PSD3: variants seen among roughly 807,000 people sequenced by gnomAD.
PSD3 encodes pleckstrin and Sec7 domain containing 3.
Under a neutral mutation model 105.5 loss-of-function variants are expected in PSD3, and 49 were observed. That is an observed-to-expected ratio of 0.46 (90% CI 0.37 to 0.59). The LOEUF is 0.59. PSD3 is among the 20% of genes least tolerant of loss of function. PSD3 has a pLI of 0.00. For synonymous variants in PSD3, 557 were observed against 457.8 expected (o/e 1.22, Z -2.77); for missense variants, 1,561 against 1,263.8 (o/e 1.24, Z -3.57).
intron 10 of PSD3, among the ~76,000 whole-genome samples, chr8:18,637,890 G>A (rs1440316266): frequency 2.0e-5 from 3 of 152,078 alleles, no homozygotes; most frequent in African/African-American, 4.8e-5. Context: ...CAGCATGGTG[G>A]CTCATGCCTG....
rs556062333 is a variant in PSD3, at chr8:18,801,673, T to A, written c.1911-291A>T. ...GGCGAAACCCCATCTCTACTAAAAATACAAAAATTAGCCGGGCATGGTGGT... is the reference window on the plus strand; with the variant it reads ...GGCGAAACCCCATCTCTACTAAAAAAACAAAAATTAGCCGGGCATGGTGGT... On this transcript the variant is annotated intron_variant, in intron 6 of 15. Coordinates refer to ENST00000327040, the MANE Select transcript of PSD3 (RefSeq NM_015310.4). Among the ~76,000 whole-genome samples the A allele has an allele frequency of 2.6e-5, 4 of 152,070 alleles. No homozygotes were observed. In the East Asian group the frequency reaches 7.7e-4, roughly 29 times the overall value.
At chr8:18,804,398 A>G in intron 6 of PSD3, 124 bp downstream of exon 6, 1 of 809,700 alleles carries the variant, frequency 1.2e-6, no homozygotes, top group Non-Finnish European at 1.9e-6. Flanking sequence ...TGGAGAAGGA[A>G]TACTCCACCT....
In PSD3 at chr8:18,991,365, CACACACAT is replaced by C. The variant is rs1274447376; in HGVS notation, c.21+22190_21+22197del. On this transcript the variant is annotated intron_variant, in intron 1 of 15. Transcript: ENST00000327040. ...ACACACACACACATACACACACACA[CACACACAT>C]ACACACACACACACACACACACACA... is the stretch of plus-strand genomic sequence containing the variant. 3.2e-3 allele frequency among the ~76,000 whole-genome samples: 171 copies of C among 53,818 alleles called. 1 individual carries two copies. Among genetic ancestry groups the C allele is most frequent in the African/African-American group, 8.7e-3 (155 of 17,812 alleles). The allele number at this position is 53,818 out of a possible 152,430, so 35.3% of individuals were successfully genotyped here. A position where few individuals can be genotyped will look rare whatever the true frequency, so the allele number is the denominator to read the frequency against.
In PSD3 at chr8:18,765,294, C is replaced by T. The variant is rs186677129; in HGVS notation, c.2172+155G>A. Among the ~76,000 whole-genome samples, 12 of 152,130 alleles carry T rather than the reference C, an allele frequency of 7.9e-5. No individual in the cohort carries two copies. In the East Asian group the frequency reaches 1.7e-3, roughly 22 times the overall value. On this transcript the variant is annotated intron_variant, in intron 9 of 15. Coordinates refer to ENST00000327040, the MANE Select transcript of PSD3 (RefSeq NM_015310.4). ...TATCAACTTAAGGTACTTTGCAGCA[C>T]GAAAAATCAAGGACAAGGCTTAAAA...
At chr8:18,849,100 C>T (rs549272019) in intron 4 of PSD3, among the ~76,000 whole-genome samples, 63 of 152,284 alleles carry the variant, frequency 4.1e-4, no homozygotes, top group African/African-American at 1.4e-3. Context: ...CCCGAAGCAG[C>T]ATTTATACAC....
chr8:18,949,774 A>G (rs1278225049), intron 1 of PSD3, among the ~76,000 whole-genome samples: 2 of 152,226 alleles, frequency 1.3e-5, no homozygotes, highest in African/African-American at 4.8e-5. Context: ...AAAGAGGGGC[A>G]CCAAAGAGAG....
chr8:18,906,884 C>G (rs1819885345), intron 2 of PSD3, among the ~76,000 whole-genome samples: 1 of 152,148 alleles, frequency 6.6e-6, no homozygotes, highest in East Asian at 1.9e-4. Flanking sequence ...TGCCTAGTGA[C>G]ATCGTGAAAA....
chr8:18,535,990 A>G, intron 15 of PSD3, 32 bp from the exon 16 acceptor site: 2 of 1,592,398 alleles, frequency 1.3e-6, no homozygotes, highest in Non-Finnish European at 1.7e-6. Context: ...AACGGTAGTC[A>G]GAAAACTGTT....
At chr8:18,672,345 G>T (rs1300627115) in intron 9 of PSD3, among the ~76,000 whole-genome samples, 1 of 151,876 alleles carries the variant, frequency 6.6e-6, no homozygotes, top group Admixed American at 6.6e-5. Flanking sequence ...TAAATGGCCT[G>T]TAAAAAAAAC....
intron 1 of PSD3, among the ~76,000 whole-genome samples, chr8:19,041,366 C>T (rs1828118525): frequency 6.6e-6 from 1 of 152,174 alleles, no homozygotes; most frequent in Admixed American, 6.6e-5. Context: ...TTGTACGATA[C>T]TCATTTTAGT....
intron 9 of PSD3, among the ~76,000 whole-genome samples, chr8:18,756,007 A>AT (rs1201270684): frequency 2.0e-5 from 3 of 152,154 alleles, no homozygotes; most frequent in East Asian, 3.9e-4. Flanking sequence ...CTTTACTGAA[A>AT]AAAGCAGCAA....
chr8:18,727,788 C>T (rs553338813), intron 9 of PSD3, among the ~76,000 whole-genome samples: 23 of 152,274 alleles, frequency 1.5e-4, no homozygotes, highest in Admixed American at 1.3e-3. Context: ...TACCCACCTA[C>T]TCTCCCAAGT....
intron 10 of PSD3, among the ~76,000 whole-genome samples, chr8:18,645,891 T>C (rs1808001167): frequency 6.6e-6 from 1 of 152,218 alleles, no homozygotes; most frequent in Non-Finnish European, 1.5e-5. Flanking sequence ...AGTTTTTCCA[T>C]GGTGAGTTGT....
chr8:18,996,639 T>C (rs543602660), intron 1 of PSD3, among the ~76,000 whole-genome samples: 3 of 152,094 alleles, frequency 2.0e-5, no homozygotes, highest in South Asian at 2.1e-4. Context: ...GTCTTTCCCA[T>C]TGGTATTCGA....
At chr8:18,800,602 G>A (rs1305989846) in intron 7 of PSD3, among the ~76,000 whole-genome samples, 2 of 152,174 alleles carry the variant, frequency 1.3e-5, no homozygotes, top group Non-Finnish European at 2.9e-5. Flanking sequence ...AACTGAAATG[G>A]AGGAAAGATC....
At chr8:18,960,306 T>A (rs939637227) in intron 1 of PSD3, among the ~76,000 whole-genome samples, 1 of 152,178 alleles carries the variant, frequency 6.6e-6, no homozygotes, top group African/African-American at 2.4e-5. Context: ...AGAGAACGCA[T>A]GACCAAAGAA....
intron 4 of PSD3, among the ~76,000 whole-genome samples, chr8:18,843,316 G>A (rs1235857799): frequency 2.1e-5 from 3 of 143,816 alleles, no homozygotes; most frequent in East Asian, 2.0e-4. Flanking sequence ...AGCCGAGATC[G>A]CACGAGACTC....
intron 12 of PSD3, 24 bp from the exon 13 acceptor site, chr8:18,575,309 A>C: frequency 6.5e-7 from 1 of 1,532,750 alleles, no homozygotes; most frequent in Admixed American, 2.1e-5. Context: ...CAAAGAAAAT[A>C]AAGGCAAAAA....
At chr8:18,719,510 A>G (rs1457872574) in intron 9 of PSD3, among the ~76,000 whole-genome samples, 1 of 152,220 alleles carries the variant, frequency 6.6e-6, no homozygotes, top group African/African-American at 2.4e-5. Flanking sequence ...ATATTTGTAT[A>G]AAACTGTATC....
Sources: gnomAD v4.1 joint callset for allele counts (sites outside exome capture counted in the v4.1 genomes callset) on GRCh38, gnomAD v4.1.1 for gene constraint, MANE v1.5 for transcripts, NCBI Gene and HGNC (gene_info 2026-07-23, HGNC 2026-07-21) for gene names.